The following CTBP2 variants were observed in gnomAD, a reference collection of about 807,000 sequenced individuals.
The protein encoded by CTBP2 is C-terminal binding protein 2, also known as C-terminal-binding protein 2.
CTBP2 carries 30 observed loss-of-function variants against 80.3 expected under a neutral mutation model. The observed-to-expected ratio is 0.37, with a 90% CI of 0.28 to 0.51. The LOEUF is 0.51. Among genes scored for constraint, CTBP2 ranks in the 20% least tolerant of loss-of-function variants. The pLI is 0.93. For missense variants in CTBP2, 1,212 were observed against 1,375.3 expected, an observed-to-expected ratio of 0.88 and a Z score of 1.88; for synonymous variants, 594 against 587.4, an observed-to-expected ratio of 1.01 and a Z score of -0.16.
chr10:125,041,089 T>C (rs1444074689), intron 2 of CTBP2, among the ~76,000 whole-genome samples: 1 of 152,184 alleles, frequency 6.6e-6, no homozygotes, highest in African/African-American at 2.4e-5. Flanking sequence ...GTGTTGGCTT[T>C]TTTATTTTTG....
chr10:125,036,671 GTGTGTGTGTGT>G (rs1958913025), intron 3 of CTBP2, among the ~76,000 whole-genome samples: 19 of 6,178 alleles, frequency 3.1e-3, no homozygotes, highest in Non-Finnish European at 4.8e-3. Flanking sequence ...TAGAGGGGGT[GTGTGTGTGTGT>G]GTGTGTGTGT....
chr10:125,029,245 G>A (rs1392020101), upstream of CTBP2, among the ~76,000 whole-genome samples: 2 of 137,822 alleles, frequency 1.5e-5, no homozygotes, highest in Admixed American at 7.4e-5. Context: ...TTGAGACACA[G>A]TTTTTTTTTT....
At chr10:125,133,537 G>A (rs1325847988) in intron 1 of CTBP2, 1 of 152,312 alleles carries the variant, frequency 6.6e-6, no homozygotes. Flanking sequence ...TCTGCAGCCA[G>A]GAGGAGCGCA....
At chr10:125,049,324 A>ACAG (rs991544553) in intron 2 of CTBP2, among the ~76,000 whole-genome samples, 6 of 152,224 alleles carry the variant, frequency 3.9e-5, no homozygotes, top group African/African-American at 9.6e-5. Context: ...CACAGTTGTC[A>ACAG]CAGCAGCAGG....
chr10:125,023,174 A>G (rs759837632), intron 1 of CTBP2, among the ~76,000 whole-genome samples: 62 of 152,182 alleles, frequency 4.1e-4, no homozygotes, highest in Non-Finnish European at 8.1e-4. Context: ...GCAACTAGAC[A>G]GGGGTCACAT....
chr10:125,060,640 A>T (rs965866428), intron 2 of CTBP2, among the ~76,000 whole-genome samples: 1 of 152,222 alleles, frequency 6.6e-6, no homozygotes, highest in Non-Finnish European at 1.5e-5. Context: ...GCCTGTGATT[A>T]TGTGCAGGGC....
chr10:125,067,238 T>C lies in CTBP2; in HGVS notation c.-101-28083A>G, dbSNP rs180919267. 3.5e-3 allele frequency among the ~76,000 whole-genome samples: 539 copies of C among 152,168 alleles called. 3 individuals carry two copies. The highest frequency in any genetic ancestry group is 0.013 in the African/African-American group (523 of 41,502). On this transcript the variant is annotated intron_variant, in intron 2 of 10. Coordinates refer to the CTBP2 transcript ENST00000337195. Reference sequence around the variant, plus strand: ...CAAAATATACTATCATAATCAAAACTGTCAAGGTCATCAAAAATAAGGAAA... The same window carrying C: ...CAAAATATACTATCATAATCAAAACCGTCAAGGTCATCAAAAATAAGGAAA...
At chr10:125,079,612 G>A (rs1235197953) in intron 2 of CTBP2, among the ~76,000 whole-genome samples, 2 of 152,170 alleles carry the variant, frequency 1.3e-5, no homozygotes, top group African/African-American at 4.8e-5. Context: ...AGGGTGGGCC[G>A]AGCACTAGCA....
intron 2 of CTBP2, among the ~76,000 whole-genome samples, chr10:125,072,468 T>C (rs1032179077): frequency 4.0e-5 from 6 of 151,330 alleles, no homozygotes; most frequent in African/African-American, 1.5e-4. Flanking sequence ...CAAAAACAAT[T>C]AGTCAGGTGT....
chr10:125,111,461 T>G (rs780032821), intron 1 of CTBP2, among the ~76,000 whole-genome samples: 1 of 152,246 alleles, frequency 6.6e-6, no homozygotes, highest in Non-Finnish European at 1.5e-5. Flanking sequence ...CCAACTGTTT[T>G]GAGAAATATG....
chr10:125,139,145 G>A (rs1857396317), intron 1 of CTBP2, among the ~76,000 whole-genome samples: 1 of 152,118 alleles, frequency 6.6e-6, no homozygotes. Flanking sequence ...GCTGAGGTGG[G>A]GAGATTACTT....
chr10:125,074,762 T>C (rs903940011), intron 2 of CTBP2, among the ~76,000 whole-genome samples: 2 of 152,246 alleles, frequency 1.3e-5, no homozygotes, highest in African/African-American at 4.8e-5. Flanking sequence ...CTCTGTGTAG[T>C]ACTTCCGTTT....
chr10:125,054,412 A>C (rs1963441712), intron 2 of CTBP2, among the ~76,000 whole-genome samples: 1 of 152,146 alleles, frequency 6.6e-6, no homozygotes, highest in Non-Finnish European at 1.5e-5. Flanking sequence ...GACCCACGGA[A>C]CAGGAAACCA....
At chr10:125,003,680 T>A (rs1411508317) in intron 1 of CTBP2, among the ~76,000 whole-genome samples, 188 bp from the exon 4 acceptor site, 1 of 152,114 alleles carries the variant, frequency 6.6e-6, no homozygotes, top group Non-Finnish European at 1.5e-5. Flanking sequence ...CCACTTCCCA[T>A]CCACTTGCGG....
chr10:125,048,986 G>C (rs1421335508), intron 2 of CTBP2, among the ~76,000 whole-genome samples: 1 of 150,896 alleles, frequency 6.6e-6, no homozygotes, highest in Non-Finnish European at 1.5e-5. Flanking sequence ...CCCAGGAATT[G>C]ATTCTGGCCA....
intron 3 of CTBP2, chr10:125,000,529 CGGGGGT>C (rs1565045568): frequency 6.6e-6 from 1 of 151,916 alleles, no homozygotes; most frequent in Non-Finnish European, 1.5e-5. Context: ...CTAGAGGCGG[CGGGGGT>C]GGGGAGGGGT....
intron 4 of CTBP2, chr10:124,996,489 C>T (rs1953597233): frequency 6.5e-6 from 1 of 152,972 alleles, no homozygotes; most frequent in Non-Finnish European, 1.5e-5. Flanking sequence ...AGGGTGGTGG[C>T]GGCAGGGGTT....
At chr10:124,997,647 C>A in intron 4 of CTBP2, 1 of 428,852 alleles carries the variant, frequency 2.3e-6, no homozygotes, top group Non-Finnish European at 4.3e-6. Flanking sequence ...CAGCCCCTGC[C>A]CTTCACCCCT....
At chr10:125,044,880 C>A (rs994675633) in intron 2 of CTBP2, among the ~76,000 whole-genome samples, 2 of 152,178 alleles carry the variant, frequency 1.3e-5, no homozygotes, top group Admixed American at 1.3e-4. Flanking sequence ...ACCGCAACAC[C>A]ACAATTAATA....
Sources: allele counts gnomAD v4.1 joint callset (sites outside exome capture counted in the v4.1 genomes callset), GRCh38; gene constraint gnomAD v4.1.1; transcripts MANE v1.5; gene names NCBI Gene and HGNC (gene_info 2026-07-23, HGNC 2026-07-21).